The following HOGA1 variants were observed in gnomAD, a reference collection of about 807,000 sequenced individuals.
HOGA1 encodes the protein 4-hydroxy-2-oxoglutarate aldolase 1.
A neutral mutation model predicts 34.3 loss-of-function variants in HOGA1; 30 were observed. The ratio of observed to expected loss-of-function variants is 0.87; its 90% CI spans 0.65 to 1.19. The LOEUF (loss-of-function observed/expected upper bound fraction) is 1.19, where lower values mean the gene tolerates loss of function less well. Among genes scored for constraint, HOGA1 ranks in the 50% most tolerant of loss-of-function variants. The probability of loss-of-function intolerance (pLI) is 0.00; values close to 1 mark genes in which losing one functional copy is unlikely to be tolerated. For synonymous variants in HOGA1, 161 were observed against 174.0 expected, an observed-to-expected ratio of 0.93 and a Z score of 0.59; for missense variants, 417 against 436.5, an observed-to-expected ratio of 0.96 and a Z score of 0.40.
At chr10:97,593,400 C>T (rs2041043918) in intron 1 of HOGA1, among the ~76,000 whole-genome samples, 1 of 152,060 alleles carries the variant, frequency 6.6e-6, no homozygotes, top group South Asian at 2.1e-4. Context: ...TTGCTTGAAC[C>T]TGGGAGGTGG....
intron 6 of HOGA1, among the ~76,000 whole-genome samples, chr10:97,606,128 C>CG (rs2041155691): frequency 1.1e-5 from 1 of 95,206 alleles, no homozygotes; most frequent in Non-Finnish European, 2.0e-5. Flanking sequence ...ACTAAAAATA[C>CG]AAAAAAAAAA....
chr10:97,609,130 C>T (rs1477357383), intron 6 of HOGA1, among the ~76,000 whole-genome samples: 3 of 152,120 alleles, frequency 2.0e-5, no homozygotes, highest in Non-Finnish European at 1.5e-5. Flanking sequence ...GAAACGAGGG[C>T]CCCGTTGGGC....
intron 1 of HOGA1, among the ~76,000 whole-genome samples, chr10:97,593,432 A>G (rs1019288681): frequency 7.9e-5 from 12 of 152,042 alleles, no homozygotes; most frequent in South Asian, 2.1e-4. Flanking sequence ...AGCCGAGACC[A>G]TGCCACTGCC....
chr10:97,593,769 G>A (rs958855930), intron 1 of HOGA1, among the ~76,000 whole-genome samples: 16 of 152,178 alleles, frequency 1.1e-4, no homozygotes, highest in African/African-American at 3.9e-4. Context: ...GCCGACTTGA[G>A]CTTGTTGGCC....
rs1001960634 is a variant in HOGA1, at chr10:97,603,164, G to A, written c.834+1174G>A. 2.6e-5 allele frequency among the ~76,000 whole-genome samples: 4 copies of A among 151,800 alleles called. No homozygotes were observed. The highest frequency in any genetic ancestry group is 9.7e-5 in the African/African-American group (4 of 41,300). On this transcript the variant is annotated intron_variant, in intron 6 of 6. Transcript: ENST00000370646. The surrounding 1 kb of genome is among the most constrained non-coding windows in gnomAD (Gnocchi z 4.5). ...TTACAGGCACGTGCCACCATACCCG[G>A]ATAATTTTTTTGTATTTTTAGTAGA...
At chr10:97,609,734 T>C (rs1316031354) in intron 6 of HOGA1, among the ~76,000 whole-genome samples, 2 of 152,206 alleles carry the variant, frequency 1.3e-5, no homozygotes, top group South Asian at 2.1e-4. Context: ...TGGAAACCCA[T>C]GGCAGGAGTG....
chr10:97,596,101 T>G (rs2041069281), intron 1 of HOGA1, among the ~76,000 whole-genome samples: 1 of 152,244 alleles, frequency 6.6e-6, no homozygotes, highest in South Asian at 2.1e-4. Context: ...CAGAGGTGAC[T>G]CTTGAGTCTA....
rs1456773152 is a variant in HOGA1 at position 97,598,834 on chromosome 10, G to A, written c.271G>A (p.Glu91Lys). Reference protein sequence around the residue: ...FPFLTSSERLEVVSRVRQAMP... With the variant: ...FPFLTSSERLKVVSRVRQAMP... The stretch of plus-strand genomic sequence containing the variant: ...TTTCCTGACCAGCAGTGAGCGCCTC[G>A]AGGTGGTGAGCCGTGTGCGCCAGGC... Residue 91 changes from glutamate (E) to lysine (K), a missense_variant, in exon 2 of 7, where the codon GAG (glutamate) becomes AAG (lysine). Physicochemically the swap from Glu to Lys is moderately conservative, Grantham distance 56. Coordinates refer to ENST00000370646, the MANE Select transcript of HOGA1 (RefSeq NM_138413.4). 5.6e-6 allele frequency: 9 copies of A among 1,614,048 alleles called. No homozygotes were observed. In the African/African-American group the frequency reaches 8.0e-5, roughly 14 times the overall value.
In HOGA1 at chr10:97,601,920, G is replaced by A. The variant is rs201145417; in HGVS notation, c.764G>A (p.Arg255Gln). 121 of 1,612,930 alleles carry A rather than the reference G, an allele frequency of 7.5e-5. 1 individual carries two copies. Among genetic ancestry groups the A allele is most frequent in the Non-Finnish European group, 8.7e-5 (103 of 1,179,996 alleles). Residue 255 changes from arginine to glutamine, a missense_variant, in exon 6 of 7, where the codon CGA becomes CAA. Physicochemically the swap from Arg to Gln is conservative, Grantham distance 43 (BLOSUM62 1). Coordinates refer to ENST00000370646, the MANE Select transcript of HOGA1 (RefSeq NM_138413.4). ...VLGAQVCQLE[R>Q]LCCTGQWEDA... ...GGGGCTCAGGTGTGCCAGCTGGAGC[G>A]ACTGTGCTGCACGGGGCAATGGGAA...
chr10:97,600,259 C>A, intron 5 of HOGA1, 96 bp downstream of exon 5: 1 of 1,049,308 alleles, frequency 9.5e-7, no homozygotes, highest in South Asian at 1.3e-5. Context: ...GGGGCTGGGT[C>A]TGCAGATGGT....
chr10:97,590,202 G>A, intron 1 of HOGA1: 1 of 1,613,844 alleles, frequency 6.2e-7, no homozygotes, highest in South Asian at 1.1e-5. Context: ...AAGACATCTG[G>A]GCCCTCAGTG....
At chr10:97,610,888 G>T (rs1295455318) in intron 6 of HOGA1, among the ~76,000 whole-genome samples, 1 of 152,204 alleles carries the variant, frequency 6.6e-6, no homozygotes, top group Non-Finnish European at 1.5e-5. Context: ...AGATCATGTT[G>T]TCCAGCCCCT....
At chr10:97,586,597 G>C (rs994173451) in intron 1 of HOGA1, among the ~76,000 whole-genome samples, 2 of 152,186 alleles carry the variant, frequency 1.3e-5, no homozygotes, top group Non-Finnish European at 2.9e-5. Context: ...TCTAAGTGAA[G>C]ACCTTACTTC....
chr10:97,603,840 A>G lies in HOGA1; in HGVS notation c.834+1850A>G, dbSNP rs556115153. The stretch of plus-strand genomic sequence containing the variant: ...CTCCCAAAGTGCTGGGATTACAGGC[A>G]TGAGCCACTGCGCCTGGCCAAACTT... On this transcript the variant is annotated intron_variant, in intron 6 of 6. Coordinates refer to ENST00000370646, the MANE Select transcript of HOGA1 (RefSeq NM_138413.4). This position sits in a 1 kb window ranked among gnomAD's most constrained non-coding sequence, Gnocchi z 4.5. Among the ~76,000 whole-genome samples, 110 of 152,308 alleles carry G rather than the reference A, an allele frequency of 7.2e-4. 1 individual carries two copies. In the South Asian group the frequency reaches 0.011, roughly 15 times the overall value.
chr10:97,610,044 C>A (rs1263041549), intron 6 of HOGA1, among the ~76,000 whole-genome samples: 1 of 152,194 alleles, frequency 6.6e-6, no homozygotes, highest in Non-Finnish European at 1.5e-5. Flanking sequence ...TTCTTAAGGA[C>A]TACTTTTGTA....
intron 6 of HOGA1, among the ~76,000 whole-genome samples, chr10:97,610,843 C>T (rs4919119): frequency 3.1e-3 from 471 of 152,174 alleles, no homozygotes; most frequent in Non-Finnish European, 5.0e-3. Context: ...ATAACAATAG[C>T]TTTAGGTCCC....
At chr10:97,598,420 C>CA (rs1216495903) in intron 1 of HOGA1, among the ~76,000 whole-genome samples, 1 of 152,136 alleles carries the variant, frequency 6.6e-6, no homozygotes, top group Non-Finnish European at 1.5e-5. Flanking sequence ...GAACAAAGCT[C>CA]AAAAAATAGT....
chr10:97,597,680 G>A (rs1454759855), intron 1 of HOGA1, among the ~76,000 whole-genome samples: 2 of 152,160 alleles, frequency 1.3e-5, no homozygotes, highest in Non-Finnish European at 1.5e-5. Flanking sequence ...GCACAGTCAG[G>A]CATGGGGGCT....
intron 1 of HOGA1, among the ~76,000 whole-genome samples, chr10:97,592,284 A>G (rs949581902): frequency 7.4e-6 from 1 of 134,636 alleles, no homozygotes; most frequent in Admixed American, 8.6e-5. Context: ...TCTGTGGCCC[A>G]GGCTGGAGTG....
Sources: allele counts gnomAD v4.1 joint callset (sites outside exome capture counted in the v4.1 genomes callset), GRCh38; gene constraint gnomAD v4.1.1; non-coding constraint Gnocchi (gnomAD v3.1); transcripts MANE v1.5; gene names NCBI Gene and HGNC (gene_info 2026-07-23, HGNC 2026-07-21).